Variants in HMGCLL1 observed in about 807,000 individuals in gnomAD.
The protein encoded by HMGCLL1 is 3-hydroxymethyl-3-methylglutaryl-CoA lyase, cytoplasmic.
A neutral mutation model predicts 39.1 loss-of-function variants in HMGCLL1; 36 were observed. The observed-to-expected ratio is 0.92, with a 90% confidence interval of 0.71 to 1.22. HMGCLL1 has a LOEUF of 1.22. Among genes scored for constraint, HMGCLL1 ranks in the 50% most tolerant of loss-of-function variants. The pLI is 0.00. For synonymous variants in HMGCLL1, 149 were observed against 144.0 expected (o/e 1.03, Z -0.25); for missense variants, 451 against 416.5 (o/e 1.08, Z -0.72).
chr6:55,552,521 A>C (rs189901156), intron 1 of HMGCLL1, among the ~76,000 whole-genome samples: 12 of 152,182 alleles, frequency 7.9e-5, no homozygotes, highest in Non-Finnish European at 1.5e-4. Flanking sequence ...TCATTTACTC[A>C]TCTATAAAAA....
chr6:55,649,612 T>C, the HMGCLL1 span, among the ~76,000 whole-genome samples: 5 of 151,990 alleles, frequency 3.3e-5, no homozygotes, highest in African/African-American at 4.8e-5. Context: ...TACTTGAATG[T>C]TGATACCTTT....
chr6:55,495,567 G>A lies in HMGCLL1; in HGVS notation c.647C>T (p.Ser216Phe). 6.2e-7 allele frequency: 1 copy of A among 1,613,142 alleles called. No individual in the cohort carries two copies. The highest frequency in any genetic ancestry group is 8.5e-7 in the Non-Finnish European group (1 of 1,179,560). ...RLYGMGCYEI[S>F]LGDTIGVGTP... ...TCCCACTCCAATTGTGTCTCCTAGA[G>A]AGATCTCATAACAACCCATGCCGTA... is the stretch of plus-strand genomic sequence containing the variant. The change falls in exon 7 of 9, where the codon TCT becomes TTT. Residue 216 changes from serine to phenylalanine, a missense_variant. Ser to Phe is a radical substitution (Grantham distance 155, BLOSUM62 -2). Transcript: ENST00000274901.
chr6:55,515,397 TCTA>T (rs1204886807), intron 4 of HMGCLL1, among the ~76,000 whole-genome samples: 2 of 152,188 alleles, frequency 1.3e-5, no homozygotes, highest in East Asian at 3.8e-4. Context: ...TTAGTGAACA[TCTA>T]CTATTTGTCT....
chr6:55,674,263 C>A, the HMGCLL1 span, among the ~76,000 whole-genome samples: 1 of 151,774 alleles, frequency 6.6e-6, no homozygotes, highest in South Asian at 2.1e-4. Context: ...ATGACTCATT[C>A]TGGCCTTTAT....
At chr6:55,611,211 A>G in the HMGCLL1 span, among the ~76,000 whole-genome samples, 3 of 152,324 alleles carry the variant, frequency 2.0e-5, no homozygotes, top group East Asian at 3.9e-4. Context: ...TTTGAAAACA[A>G]TGAGAACAAA....
chr6:55,643,772 T>C, the HMGCLL1 span, among the ~76,000 whole-genome samples: 1 of 151,984 alleles, frequency 6.6e-6, no homozygotes, highest in Non-Finnish European at 1.5e-5. Flanking sequence ...ATCAACATGG[T>C]TGCAAATGAC....
intron 3 of HMGCLL1, among the ~76,000 whole-genome samples, chr6:55,530,593 G>A (rs967734384): frequency 2.0e-5 from 3 of 152,080 alleles, no homozygotes; most frequent in Admixed American, 6.5e-5. Context: ...AATAAAAAAC[G>A]TATATTCTTT....
At chr6:55,604,985 C>T in the HMGCLL1 span, among the ~76,000 whole-genome samples, 1 of 152,156 alleles carries the variant, frequency 6.6e-6, no homozygotes, top group Non-Finnish European at 1.5e-5. Context: ...TTATTTGTTG[C>T]TATTTAAAAT....
intron 5 of HMGCLL1, among the ~76,000 whole-genome samples, chr6:55,507,820 T>C (rs1767246960): frequency 6.6e-6 from 1 of 151,866 alleles, no homozygotes; most frequent in Non-Finnish European, 1.5e-5. Context: ...TTCAACAGCA[T>C]GTCTGCTTTT....
At chr6:55,551,014 T>G (rs1770297005) in intron 1 of HMGCLL1, among the ~76,000 whole-genome samples, 1 of 147,570 alleles carries the variant, frequency 6.8e-6, no homozygotes, top group Non-Finnish European at 1.5e-5. Flanking sequence ...ATCCCTTGCC[T>G]AGTCTATACA....
chr6:55,546,840 T>C (rs1484665779), intron 1 of HMGCLL1, among the ~76,000 whole-genome samples: 3 of 152,090 alleles, frequency 2.0e-5, no homozygotes, highest in Non-Finnish European at 2.9e-5. Flanking sequence ...GTGTAGTATA[T>C]GATACTAGCG....
At chr6:55,444,395 A>T (rs931165931) in intron 7 of HMGCLL1, among the ~76,000 whole-genome samples, 2 of 152,056 alleles carry the variant, frequency 1.3e-5, no homozygotes, top group Non-Finnish European at 2.9e-5. Context: ...TAACACACAC[A>T]CATATATCTA....
chr6:55,453,891 A>G (rs1194224077), intron 7 of HMGCLL1, among the ~76,000 whole-genome samples: 3 of 152,200 alleles, frequency 2.0e-5, no homozygotes, highest in African/African-American at 7.2e-5. Context: ...TCGCTTAACA[A>G]CAACTTAATA....
At chr6:55,585,153 G>A in the HMGCLL1 span, among the ~76,000 whole-genome samples, 1 of 152,044 alleles carries the variant, frequency 6.6e-6, no homozygotes, top group Non-Finnish European at 1.5e-5. Context: ...TTGAGAATAA[G>A]TAATGAGTTC....
intron 6 of HMGCLL1, among the ~76,000 whole-genome samples, chr6:55,495,926 C>T (rs1766552103): frequency 6.6e-6 from 1 of 152,078 alleles, no homozygotes; most frequent in African/African-American, 2.4e-5. Flanking sequence ...GCGTATGTTT[C>T]TCAACACTAT....
At chr6:55,575,007 T>C (rs984996211) in intron 1 of HMGCLL1, among the ~76,000 whole-genome samples, 1 of 152,068 alleles carries the variant, frequency 6.6e-6, no homozygotes, top group Admixed American at 6.5e-5. Flanking sequence ...ATTTTATTTT[T>C]GCAAAAGGGC....
the HMGCLL1 span, among the ~76,000 whole-genome samples, chr6:55,591,477 C>G: frequency 6.6e-6 from 1 of 151,798 alleles, no homozygotes; most frequent in South Asian, 2.1e-4. Flanking sequence ...ATCATGCAAG[C>G]CATGATATTT....
intron 7 of HMGCLL1, among the ~76,000 whole-genome samples, chr6:55,479,413 C>A (rs1362645242): frequency 6.6e-6 from 1 of 151,496 alleles, no homozygotes; most frequent in African/African-American, 2.4e-5. Flanking sequence ...ATATCTGAAA[C>A]TATGGGATGT....
intron 3 of HMGCLL1, among the ~76,000 whole-genome samples, chr6:55,530,538 T>G (rs1200259790): frequency 3.3e-5 from 5 of 151,974 alleles, no homozygotes; most frequent in African/African-American, 1.2e-4. Context: ...CAAAATAAAA[T>G]CAAATATTTT....
Sources: gnomAD v4.1 joint callset for allele counts (sites outside exome capture counted in the v4.1 genomes callset) on GRCh38, gnomAD v4.1.1 for gene constraint, MANE v1.5 for transcripts, NCBI Gene and HGNC (gene_info 2026-07-23, HGNC 2026-07-21) for gene names.